The following NDST4 variants were observed in gnomAD, a reference collection of about 807,000 sequenced individuals.
NDST4 encodes the protein N-deacetylase and N-sulfotransferase 4, also known as N-heparan sulfate sulfotransferase 4.
Under a neutral mutation model 100.8 loss-of-function variants are expected in NDST4, and 63 were observed. The observed-to-expected ratio is 0.62, with a 90% CI of 0.51 to 0.77. NDST4 has a LOEUF of 0.77. NDST4 is among the 30% of genes least tolerant of loss of function. The probability of loss-of-function intolerance (pLI) is 0.00; values close to 1 mark genes in which losing one functional copy is unlikely to be tolerated. For missense variants in NDST4, 943 were observed against 1,018.4 expected (o/e 0.93, Z 1.01); for synonymous variants, 377 against 361.8 (o/e 1.04, Z -0.48).
intron 2 of NDST4, among the ~76,000 whole-genome samples, chr4:115,001,464 G>A (rs1331973106): frequency 6.6e-6 from 1 of 151,588 alleles, no homozygotes; most frequent in Non-Finnish European, 1.5e-5. Context: ...GAGATTCATG[G>A]GTTTTTTTTT....
intron 8 of NDST4, among the ~76,000 whole-genome samples, chr4:114,852,039 G>C (rs1723688835): frequency 6.6e-6 from 1 of 152,108 alleles, no homozygotes; most frequent in Non-Finnish European, 1.5e-5. Flanking sequence ...CAGGACATGA[G>C]CAAAGTGTAT....
chr4:114,967,496 C>T (rs1053436600), intron 4 of NDST4, among the ~76,000 whole-genome samples: 12 of 152,026 alleles, frequency 7.9e-5, no homozygotes, highest in Admixed American at 6.6e-4. Context: ...AAAGAAATTA[C>T]ACAAACAGGT....
At chr4:114,887,731 A>G (rs937031023) in intron 6 of NDST4, among the ~76,000 whole-genome samples, 1 of 152,176 alleles carries the variant, frequency 6.6e-6, no homozygotes, top group Non-Finnish European at 1.5e-5. Context: ...CAATTTATTT[A>G]TTAAAATAGA....
rs143484572 is a variant in NDST4, at chr4:114,868,992, T to C, written c.1719+1776A>G. On this transcript the variant is annotated intron_variant, in intron 7 of 13. Transcript: ENST00000264363. Reference sequence around the variant, plus strand: ...TTTCTTATATCTTCCAAGAATGATGTAATTTCTTACAGAATAATCCCATAT... The same window carrying C: ...TTTCTTATATCTTCCAAGAATGATGCAATTTCTTACAGAATAATCCCATAT... Among the ~76,000 whole-genome samples the C allele has an allele frequency of 1.0e-3, 150 of 150,190 alleles. 1 individual carries two copies. The East Asian group carries it at 0.025, about 25-fold the overall frequency.
chr4:114,876,003 G>A (rs1724246821), intron 6 of NDST4, among the ~76,000 whole-genome samples: 1 of 152,084 alleles, frequency 6.6e-6, no homozygotes, highest in African/African-American at 2.4e-5. Context: ...GAATATTTGG[G>A]TACTTAGTCC....
At chr4:114,836,263 C>A (rs528607044) in intron 11 of NDST4, among the ~76,000 whole-genome samples, 2 of 152,260 alleles carry the variant, frequency 1.3e-5, no homozygotes, top group East Asian at 3.9e-4. Context: ...TTTTTCCTTT[C>A]CATATTTAGT....
chr4:114,919,497 A>G (rs2126218432), intron 6 of NDST4, among the ~76,000 whole-genome samples: 1 of 152,310 alleles, frequency 6.6e-6, no homozygotes, highest in East Asian at 1.9e-4. Flanking sequence ...TAATGGTAGC[A>G]CAAAAGCCCT....
chr4:115,001,021 C>G (rs560446936), intron 2 of NDST4, among the ~76,000 whole-genome samples: 1 of 152,194 alleles, frequency 6.6e-6, no homozygotes, highest in African/African-American at 2.4e-5. Context: ...ATGAGGCCTT[C>G]ATCCTCATGA....
At chr4:114,937,983 C>A (rs775923675) in intron 4 of NDST4, among the ~76,000 whole-genome samples, 2 of 151,952 alleles carry the variant, frequency 1.3e-5, no homozygotes, top group African/African-American at 4.8e-5. Context: ...TGAATTAATT[C>A]GATTTCAACA....
chr4:114,989,318 C>T (rs977018359), intron 2 of NDST4, among the ~76,000 whole-genome samples: 1 of 152,174 alleles, frequency 6.6e-6, no homozygotes, highest in African/African-American at 2.4e-5. Flanking sequence ...CTGTGACTGA[C>T]ATTATCTACC....
At chr4:115,106,269 G>A (rs894339614) in intron 1 of NDST4, among the ~76,000 whole-genome samples, 4 of 152,056 alleles carry the variant, frequency 2.6e-5, no homozygotes, top group African/African-American at 4.8e-5. Flanking sequence ...CTGTTTCCTG[G>A]ATGTTGACAC....
intron 2 of NDST4, among the ~76,000 whole-genome samples, chr4:115,036,132 GT>G (rs894048829): frequency 6.6e-6 from 1 of 151,486 alleles, no homozygotes; most frequent in Non-Finnish European, 1.5e-5. Flanking sequence ...TTTTTTATGT[GT>G]TTTTTTATAG....
intron 6 of NDST4, among the ~76,000 whole-genome samples, chr4:114,913,854 T>C (rs1578384887): frequency 6.6e-6 from 1 of 151,984 alleles, no homozygotes; most frequent in East Asian, 1.9e-4. Context: ...TAAATATTTA[T>C]GAACATTTTG....
At chr4:114,846,121 G>A in intron 9 of NDST4, 124 bp from the exon 10 acceptor site, 1 of 785,440 alleles carries the variant, frequency 1.3e-6, no homozygotes, top group Non-Finnish European at 2.0e-6. Flanking sequence ...TGCTGTTATA[G>A]TTTAAATAAT....
rs531468932 is a variant in NDST4, at chr4:114,901,010, C to A, written c.1537-30060G>T. 4.4e-5 allele frequency among the ~76,000 whole-genome samples: 6 copies of A among 135,832 alleles called. No homozygotes were observed. The East Asian group carries it at 1.2e-3, about 27-fold the overall frequency. The allele number at this position is 135,832 out of a possible 152,430, so 89.1% of individuals were successfully genotyped here. A position where few individuals can be genotyped will look rare whatever the true frequency, so the allele number is the denominator to read the frequency against. On this transcript the variant is annotated intron_variant, in intron 6 of 13. Coordinates refer to ENST00000264363, the MANE Select transcript of NDST4 (RefSeq NM_022569.3). ...TTCCACTATAGTCTGAGATCAGACA[C>A]TATATGATTTTTTTTTTTCCTTAAA...
In NDST4 at chr4:115,095,361, T is replaced by C. The variant is rs371162595; in HGVS notation, c.-246-18079A>G. Reference sequence around the variant, plus strand: ...TCATCAGAAAAAGTATTTCCTTACATGGTGAAATGATTCTCCAAAGGTTTT... The same window carrying C: ...TCATCAGAAAAAGTATTTCCTTACACGGTGAAATGATTCTCCAAAGGTTTT... On this transcript the variant is annotated intron_variant, in intron 1 of 13. Transcript: ENST00000264363. 1.1e-4 allele frequency among the ~76,000 whole-genome samples: 17 copies of C among 152,280 alleles called. No individual in the cohort carries two copies. The South Asian group carries it at 2.5e-3, about 22-fold the overall frequency.
At chr4:114,965,472 A>C (rs1726360048) in intron 4 of NDST4, among the ~76,000 whole-genome samples, 1 of 152,062 alleles carries the variant, frequency 6.6e-6, no homozygotes, top group Non-Finnish European at 1.5e-5. Context: ...ATTATGAAAA[A>C]AGTTATATAG....
At chr4:114,990,949 C>T (rs1317495390) in intron 2 of NDST4, among the ~76,000 whole-genome samples, 1 of 152,060 alleles carries the variant, frequency 6.6e-6, no homozygotes, top group East Asian at 1.9e-4. Flanking sequence ...TCTTATTGCT[C>T]TAAGGCCTGA....
Position 115,039,685 on chromosome 4 carries a change from C to A in NDST4, c.978+36374G>T, listed in dbSNP as rs1339470239. ...CATGTCTCTCTATACGACAATGGAT[C>A]AATCTCCAGCTTATTGTTAAGGAAA... On this transcript the variant is annotated intron_variant, in intron 2 of 13. Transcript: ENST00000264363. Among the ~76,000 whole-genome samples the A allele has an allele frequency of 2.0e-5, 3 of 152,044 alleles. 1 individual carries two copies. The highest frequency in any genetic ancestry group is 7.2e-5 in the African/African-American group (3 of 41,404).
Sources: allele counts gnomAD v4.1 joint callset (sites outside exome capture counted in the v4.1 genomes callset), GRCh38; gene constraint gnomAD v4.1.1; transcripts MANE v1.5; gene names NCBI Gene and HGNC (gene_info 2026-07-23, HGNC 2026-07-21).